FLI1: variants seen among roughly 807,000 people sequenced by gnomAD.
The protein encoded by FLI1 is Fli-1 proto-oncogene, ETS transcription factor, also known as Friend leukemia integration 1 transcription factor.
FLI1 carries 13 observed loss-of-function variants against 53.1 expected under a neutral mutation model. That is an observed-to-expected ratio of 0.24 (90% CI 0.16 to 0.39). FLI1 has a LOEUF of 0.39. Ranked by LOEUF, FLI1 falls within the 10% of genes least tolerant of loss-of-function variation. FLI1 has a pLI of 1.00. For missense variants in FLI1, 424 were observed against 600.5 expected, an observed-to-expected ratio of 0.71 and a Z score of 3.07; for synonymous variants, 244 against 236.7, an observed-to-expected ratio of 1.03 and a Z score of -0.28.
At chr11:128,735,206 C>T (rs1315610431) in intron 1 of FLI1, among the ~76,000 whole-genome samples, 1 of 152,168 alleles carries the variant, frequency 6.6e-6, no homozygotes, top group Non-Finnish European at 1.5e-5. Context: ...CTACAATTTT[C>T]CTTGTCATTA....
intron 8 of FLI1, 125 bp downstream of exon 8, chr11:128,809,329 A>T (rs1289921702): frequency 1.3e-6 from 1 of 797,812 alleles, no homozygotes; most frequent in East Asian, 2.5e-5. Context: ...TTTCCTTGAA[A>T]TGTTCAATGT....
chr11:128,789,687 C>T (rs1942207130), intron 5 of FLI1, among the ~76,000 whole-genome samples: 1 of 152,152 alleles, frequency 6.6e-6, no homozygotes, highest in African/African-American at 2.4e-5. Flanking sequence ...ATTTGGCAGC[C>T]TTGTGTGTGT....
intron 2 of FLI1, among the ~76,000 whole-genome samples, chr11:128,763,643 G>A (rs545447863): frequency 6.6e-6 from 1 of 152,320 alleles, no homozygotes; most frequent in African/African-American, 2.4e-5. Context: ...ACACAGAGAA[G>A]GATCAGCTCC....
chr11:128,732,002 C>A (rs200057282), intron 1 of FLI1, among the ~76,000 whole-genome samples: 29 of 144,944 alleles, frequency 2.0e-4, no homozygotes, highest in Admixed American at 5.5e-4. Flanking sequence ...GACTCCATCT[C>A]AAAAAAAAAA....
At chr11:128,740,432 G>A (rs187544721) in intron 1 of FLI1, among the ~76,000 whole-genome samples, 8 of 152,254 alleles carry the variant, frequency 5.3e-5, no homozygotes, top group Admixed American at 5.2e-4. Context: ...CTGTTGGCTC[G>A]CCAAAGAACG....
intron 5 of FLI1, among the ~76,000 whole-genome samples, chr11:128,793,674 C>T (rs1012023972): frequency 6.6e-6 from 1 of 152,246 alleles, no homozygotes; most frequent in East Asian, 1.9e-4. Flanking sequence ...GGTCTTTCTG[C>T]TTATCAGAGC....
At chr11:128,775,786 C>G (rs755711739) in intron 4 of FLI1, among the ~76,000 whole-genome samples, 1 of 152,142 alleles carries the variant, frequency 6.6e-6, no homozygotes, top group Non-Finnish European at 1.5e-5. Context: ...TCATCTTGTC[C>G]TTTCATTGGA....
intron 2 of FLI1, among the ~76,000 whole-genome samples, chr11:128,759,600 G>A (rs1941031114): frequency 1.3e-5 from 2 of 152,252 alleles, no homozygotes. Flanking sequence ...TGTGAATGAA[G>A]GGGGTGCATG....
In FLI1 at chr11:128,758,010, C is replaced by A. The variant is rs528500629; in HGVS notation, c.19-105C>A. The A allele has an allele frequency of 8.4e-6, 8 of 954,006 alleles. No individual in the cohort carries two copies. The South Asian group carries it at 1.1e-4, about 13-fold the overall frequency. The allele number at this position is 954,006 out of a possible 1,614,324, so 59.1% of individuals were successfully genotyped here. A position where few individuals can be genotyped will look rare whatever the true frequency, so the allele number is the denominator to read the frequency against. On this transcript the variant is annotated intron_variant, in intron 1 of 8. Transcript: ENST00000527786. The stretch of plus-strand genomic sequence containing the variant: ...AGTCAAACAGGAACTTCCAGACAAG[C>A]TGTCCTGGGGCAGCCCTGGGCCACC...
chr11:128,800,213 A>G (rs571518455), intron 5 of FLI1, among the ~76,000 whole-genome samples: 4 of 152,316 alleles, frequency 2.6e-5, no homozygotes, highest in African/African-American at 7.2e-5. Context: ...CTCGGCTGAA[A>G]GGTCTGCATT....
At chr11:128,739,092 A>G (rs1591768008) in intron 1 of FLI1, among the ~76,000 whole-genome samples, 1 of 152,168 alleles carries the variant, frequency 6.6e-6, no homozygotes, top group African/African-American at 2.4e-5. Flanking sequence ...ATCAGCACTT[A>G]TCTCCTGCAA....
chr11:128,810,847 C>T lies in FLI1; in HGVS notation c.1218C>T (p.Ser406=), dbSNP rs778358115. ...QKVNFVPPHP[S]SMPVTSSSFF... Reference sequence around the variant, plus strand: ...TGAACTTTGTCCCTCCCCATCCATCCTCCATGCCTGTCACTTCCTCCAGCT... The same window carrying T: ...TGAACTTTGTCCCTCCCCATCCATCTTCCATGCCTGTCACTTCCTCCAGCT... The change falls in exon 9 of 9, where the codon TCC becomes TCT. Residue 406 remains serine, a synonymous_variant. Transcript: ENST00000527786. The surrounding 1 kb of genome is among the most constrained non-coding windows in gnomAD (Gnocchi z 6.6). 1 of 1,614,076 alleles carries T rather than the reference C, an allele frequency of 6.2e-7. No homozygotes were observed. The highest frequency in any genetic ancestry group is 8.5e-7 in the Non-Finnish European group (1 of 1,179,910).
At chr11:128,779,884 T>A (rs1941855500) in intron 4 of FLI1, among the ~76,000 whole-genome samples, 1 of 152,270 alleles carries the variant, frequency 6.6e-6, no homozygotes, top group African/African-American at 2.4e-5. Context: ...ACTGAGGCTG[T>A]ATGCTACAGC....
At chr11:128,764,052 G>A (rs1439309787) in intron 2 of FLI1, among the ~76,000 whole-genome samples, 1 of 152,162 alleles carries the variant, frequency 6.6e-6, no homozygotes, top group Non-Finnish European at 1.5e-5. Context: ...CCTCACTTTG[G>A]CCACGTGAAC....
chr11:128,807,131 C>T (rs781183757), intron 6 of FLI1, 49 bp from the exon 7 acceptor site: 5 of 1,334,388 alleles, frequency 3.7e-6, no homozygotes, highest in South Asian at 2.9e-5. Flanking sequence ...TCTTGCTCCC[C>T]TCGGGGAGCT....
intron 2 of FLI1, among the ~76,000 whole-genome samples, chr11:128,762,778 G>A (rs1941174058): frequency 6.6e-6 from 1 of 152,132 alleles, no homozygotes; most frequent in African/African-American, 2.4e-5. Context: ...CCAACATGGT[G>A]AAACCCTGTC....
intron 4 of FLI1, among the ~76,000 whole-genome samples, chr11:128,775,863 A>G (rs1471549472): frequency 3.3e-5 from 5 of 152,106 alleles, no homozygotes; most frequent in African/African-American, 1.2e-4. Flanking sequence ...GAGATCCTTC[A>G]CTCCGGTGGA....
intron 7 of FLI1, 89 bp downstream of exon 7, chr11:128,807,328 A>G: frequency 1.2e-6 from 1 of 804,750 alleles, no homozygotes; most frequent in South Asian, 2.2e-5. Context: ...TAAACAATAT[A>G]CCACATATGT....
intron 5 of FLI1, among the ~76,000 whole-genome samples, chr11:128,791,168 C>G (rs985825323): frequency 1.3e-5 from 2 of 152,138 alleles, no homozygotes; most frequent in Non-Finnish European, 2.9e-5. Context: ...CTGGATCCCC[C>G]TGGAGCGTAG....
Sources: gnomAD v4.1 joint callset for allele counts (sites outside exome capture counted in the v4.1 genomes callset) on GRCh38, gnomAD v4.1.1 for gene constraint, Gnocchi (gnomAD v3.1) non-coding constraint, MANE v1.5 for transcripts, NCBI Gene and HGNC (gene_info 2026-07-23, HGNC 2026-07-21) for gene names.